ZNF730: variants seen among roughly 807,000 people sequenced by gnomAD.
ZNF730 encodes the protein putative zinc finger protein 730.
A neutral mutation model predicts 12.6 loss-of-function variants in ZNF730; 12 were observed. That is an observed-to-expected ratio of 0.95 (90% CI 0.61 to 1.54). The LOEUF (loss-of-function observed/expected upper bound fraction) is 1.54, where lower values mean the gene tolerates loss of function less well. Ranked by LOEUF, ZNF730 falls within the 40% of genes most tolerant of loss-of-function variation. ZNF730 has a pLI of 0.00. For synonymous variants in ZNF730, 194 were observed against 195.8 expected, an observed-to-expected ratio of 0.99 and a Z score of 0.08; for missense variants, 643 against 583.5, an observed-to-expected ratio of 1.10 and a Z score of -1.05.
chr19:23,127,498 A>C, intron 1 of ZNF730: 1 of 999,732 alleles, frequency 1.0e-6, no homozygotes, highest in Non-Finnish European at 1.6e-6. Context: ...AAGCATCAAA[A>C]TCAGCTCTTG....
chr19:23,098,113 C>T (rs1970282847), intron 1 of ZNF730, among the ~76,000 whole-genome samples: 1 of 151,136 alleles, frequency 6.6e-6, no homozygotes, highest in African/African-American at 2.4e-5. Flanking sequence ...CATTGCACTT[C>T]AGCCTGGGTG....
At chr19:23,116,935 AAACGTTATCCAATCGGGGACACTGGGC>A, upstream of ZNF730, 10 of 101,606 alleles carry the variant, frequency 9.8e-5, no homozygotes, top group Non-Finnish European at 1.4e-4. Flanking sequence ...GCGGGGCCTT[AAACGTTATCCAATCGGGGACACTGGGC>A]GGGGGGCCGT....
At position 23,146,358 on chromosome 19, in the gene ZNF730, C is replaced by G. The variant is rs1372643408; in HGVS notation, c.1314C>G (p.Thr438=). ...ECGRAFNQSS[T]LTTHKRIHTG... is the part of the protein sequence containing the mutation. Reference sequence around the variant, plus strand: ...GCAGAGCTTTCAACCAGTCCTCAACCCTTACTACACATAAAAGAATTCATA... The same window carrying G: ...GCAGAGCTTTCAACCAGTCCTCAACGCTTACTACACATAAAAGAATTCATA... The change falls in exon 4 of 4, where the codon ACC becomes ACG. Residue 438 remains threonine (T), a synonymous_variant. Transcript: ENST00000597761. 1.2e-6 allele frequency: 2 copies of G among 1,611,962 alleles called. No homozygotes were observed. Among genetic ancestry groups the G allele is most frequent in the Admixed American group, 1.7e-5 (1 of 59,828 alleles).
At chr19:23,092,785 C>T (rs1970178622) in intron 1 of ZNF730, among the ~76,000 whole-genome samples, 1 of 152,006 alleles carries the variant, frequency 6.6e-6, no homozygotes, top group Non-Finnish European at 1.5e-5. Flanking sequence ...TGAAGCCTAC[C>T]TGATTCTGGT....
chr19:23,075,613 C>T (rs1969843112), intron 1 of ZNF730, among the ~76,000 whole-genome samples: 1 of 152,196 alleles, frequency 6.6e-6, no homozygotes, highest in South Asian at 2.1e-4. Context: ...CTGGGCAGCT[C>T]TGCGCCCGCA....
intron 1 of ZNF730, among the ~76,000 whole-genome samples, chr19:23,118,487 T>C (rs910661929): frequency 5.9e-5 from 9 of 152,070 alleles, no homozygotes; most frequent in Non-Finnish European, 1.3e-4. Context: ...ACCATGGCTA[T>C]GTCTGCTAGA....
chr19:23,078,724 C>T (rs1407330807), intron 1 of ZNF730, among the ~76,000 whole-genome samples: 1 of 152,144 alleles, frequency 6.6e-6, no homozygotes, highest in East Asian at 1.9e-4. Context: ...TCCCACCCGA[C>T]GAGAAACACC....
At chr19:23,090,711 GT>G (rs971448635) in intron 1 of ZNF730, among the ~76,000 whole-genome samples, 9 of 151,986 alleles carry the variant, frequency 5.9e-5, no homozygotes, top group African/African-American at 1.7e-4. Flanking sequence ...AGAAAAAGTG[GT>G]TTTGCTAGGC....
In ZNF730 at chr19:23,117,146, G is replaced by A. The variant is rs189228476; in HGVS notation, c.-28G>A. The A allele has an allele frequency of 1.4e-4, 233 of 1,613,792 alleles. No individual in the cohort carries two copies. The African/African-American group carries it at 2.8e-3, about 20-fold the overall frequency. ...CGGGTATTGGGAGATCCACAGCTAA[G>A]ACGCCAGGGCCCCCTGGAAGCCTAG... On this transcript the variant is annotated 5_prime_UTR_variant, in exon 1 of 4. Coordinates refer to ENST00000597761, the MANE Select transcript of ZNF730 (RefSeq NM_001277403.2).
intron 3 of ZNF730, among the ~76,000 whole-genome samples, chr19:23,141,042 C>T (rs549460094): frequency 2.3e-4 from 35 of 152,100 alleles, no homozygotes; most frequent in African/African-American, 7.5e-4. Flanking sequence ...GCAAAAGGAT[C>T]GCTTGAGCCC....
At chr19:23,132,052 C>T (rs907178264) in intron 1 of ZNF730, among the ~76,000 whole-genome samples, 5 of 145,356 alleles carry the variant, frequency 3.4e-5, no homozygotes, top group African/African-American at 1.3e-4. Flanking sequence ...GTGTCTGTGG[C>T]AGGGGAGGGC....
chr19:23,107,031 G>A (rs1970400393), intron 1 of ZNF730, among the ~76,000 whole-genome samples: 1 of 150,418 alleles, frequency 6.6e-6, no homozygotes, highest in Admixed American at 6.7e-5. Flanking sequence ...GAGAATTTTA[G>A]AATAAATGAT....
chr19:23,087,684 T>G (rs544088111), intron 1 of ZNF730, among the ~76,000 whole-genome samples: 1 of 151,620 alleles, frequency 6.6e-6, no homozygotes, highest in Non-Finnish European at 1.5e-5. Context: ...GGCATGATCT[T>G]GGCTCACTGC....
chr19:23,083,595 G>GT (rs541018274), intron 1 of ZNF730, among the ~76,000 whole-genome samples: 7,692 of 139,486 alleles, frequency 0.055, 234 homozygotes, highest in Middle Eastern at 0.1. Flanking sequence ...ATTAGTGCTT[G>GT]TTTTTTTTTT....
At chr19:23,109,837 G>A (rs1176718874) in intron 1 of ZNF730, among the ~76,000 whole-genome samples, 3 of 151,814 alleles carry the variant, frequency 2.0e-5, no homozygotes, top group Non-Finnish European at 2.9e-5. Context: ...GTGAGCCACC[G>A]TGCCCAGCCA....
chr19:23,134,473 T>TGG (rs985948734), intron 2 of ZNF730, among the ~76,000 whole-genome samples: 1 of 133,018 alleles, frequency 7.5e-6, no homozygotes, highest in African/African-American at 2.9e-5. Context: ...GGGAGGGAGG[T>TGG]GGGGGGGCCA....
chr19:23,140,719 C>T (rs1467427752), intron 3 of ZNF730, among the ~76,000 whole-genome samples: 4 of 151,532 alleles, frequency 2.6e-5, no homozygotes, highest in Admixed American at 6.6e-5. Context: ...TTTGGGAGGC[C>T]GAGGCAGGCT....
At chr19:23,116,298 CTTTTT>C (rs1568310085), upstream of ZNF730, among the ~76,000 whole-genome samples, 8 of 86,554 alleles carry the variant, frequency 9.2e-5, no homozygotes, top group African/African-American at 3.7e-4. Context: ...GGTTATTCTG[CTTTTT>C]CTTTTCTTTT....
chr19:23,123,366 A>C (rs1970623327), intron 1 of ZNF730: 1 of 152,434 alleles, frequency 6.6e-6, no homozygotes, highest in Non-Finnish European at 1.5e-5. Flanking sequence ...TCGGGAGATC[A>C]AGACCATCCT....
Sources: gnomAD v4.1 joint callset for allele counts (sites outside exome capture counted in the v4.1 genomes callset) on GRCh38, gnomAD v4.1.1 for gene constraint, MANE v1.5 for transcripts, NCBI Gene and HGNC (gene_info 2026-07-23, HGNC 2026-07-21) for gene names.